The following TMEM132B variants were observed in gnomAD, a reference collection of about 807,000 sequenced individuals.
TMEM132B encodes the protein transmembrane protein 132B.
A neutral mutation model predicts 90.8 loss-of-function variants in TMEM132B; 18 were observed. That is an observed-to-expected ratio of 0.20 (90% CI 0.14 to 0.29). TMEM132B has a LOEUF of 0.29. TMEM132B is among the 10% of genes least tolerant of loss of function. The pLI is 1.00. For missense variants in TMEM132B, 1,096 were observed against 1,326.8 expected (o/e 0.83, Z 2.70); for synonymous variants, 504 against 523.3 (o/e 0.96, Z 0.50).
chr12:125,192,319 C>G (rs1009589841), intron 1 of TMEM132B, among the ~76,000 whole-genome samples: 8 of 152,152 alleles, frequency 5.3e-5, no homozygotes, highest in Admixed American at 3.3e-4. Context: ...AGAGTTGGTT[C>G]TCTTAGCTAC....
chr12:125,436,534 C>T (rs1880710205), intron 3 of TMEM132B, among the ~76,000 whole-genome samples: 1 of 152,084 alleles, frequency 6.6e-6, no homozygotes, highest in African/African-American at 2.4e-5. Context: ...CAGAACGTCG[C>T]ATGAAGAAGG....
intron 4 of TMEM132B, among the ~76,000 whole-genome samples, chr12:125,554,417 T>C (rs1289898994): frequency 9.1e-6 from 1 of 110,144 alleles, no homozygotes; most frequent in Non-Finnish European, 1.7e-5. Context: ...AAAGTGAGAC[T>C]CCATTTCATT....
At chr12:125,648,037 A>G (rs1243816024) in intron 6 of TMEM132B, among the ~76,000 whole-genome samples, 20 of 145,186 alleles carry the variant, frequency 1.4e-4, no homozygotes, top group African/African-American at 4.1e-4. Flanking sequence ...ATATCTCCCA[A>G]TGCTACCCCT....
At chr12:125,622,222 T>C (rs1221312980) in intron 5 of TMEM132B, among the ~76,000 whole-genome samples, 8 of 152,188 alleles carry the variant, frequency 5.3e-5, no homozygotes, top group African/African-American at 1.9e-4. Context: ...AGGCCAATTG[T>C]GCTGAAAAAT....
intron 5 of TMEM132B, among the ~76,000 whole-genome samples, chr12:125,596,646 A>G (rs960887168): frequency 2.0e-5 from 3 of 152,184 alleles, no homozygotes; most frequent in African/African-American, 4.8e-5. Flanking sequence ...TTTTTTAAAG[A>G]GTAAAGGCCT....
chr12:125,236,444 A>C (rs1303554885), intron 1 of TMEM132B, among the ~76,000 whole-genome samples: 1 of 152,220 alleles, frequency 6.6e-6, no homozygotes, highest in Admixed American at 6.5e-5. Flanking sequence ...GGTGTGAGCC[A>C]CCGCTCCCGG....
intron 4 of TMEM132B, among the ~76,000 whole-genome samples, chr12:125,530,014 G>T (rs997427432): frequency 7.2e-5 from 11 of 152,228 alleles, no homozygotes; most frequent in Non-Finnish European, 8.8e-5. Flanking sequence ...GGGCCGCAGA[G>T]CGAGACCCTG....
At chr12:125,350,982 C>A (rs920682696) in intron 2 of TMEM132B, among the ~76,000 whole-genome samples, 2 of 152,162 alleles carry the variant, frequency 1.3e-5, no homozygotes, top group Non-Finnish European at 2.9e-5. Flanking sequence ...CTGCTAGAAG[C>A]CATATTAGAG....
rs114408604 is a variant in TMEM132B, at chr12:125,516,187, G to A, written c.1107-3252G>A. Among the ~76,000 whole-genome samples the A allele has an allele frequency of 6.9e-3, 1,045 of 151,688 alleles. 19 individuals are homozygous for A. The highest frequency in any genetic ancestry group is 0.025 in the African/African-American group (1,013 of 41,320). ...CACACACACACTCACATACACTATCGCACTCTCACATGCCTCCTTCCCCAC... is the reference window on the plus strand; with the variant it reads ...CACACACACACTCACATACACTATCACACTCTCACATGCCTCCTTCCCCAC... On this transcript the variant is annotated intron_variant, in intron 3 of 8. Coordinates refer to ENST00000682704, the MANE Select transcript of TMEM132B (RefSeq NM_001366854.1).
intron 5 of TMEM132B, among the ~76,000 whole-genome samples, chr12:125,588,786 A>G (rs1465142098): frequency 6.6e-6 from 1 of 152,176 alleles, no homozygotes; most frequent in African/African-American, 2.4e-5. Context: ...GCGCATTTGA[A>G]GATAAATTTC....
At position 125,548,655 on chromosome 12, in the gene TMEM132B, T is replaced by C. The variant is rs73416305; in HGVS notation, c.1293+29030T>C. Among the ~76,000 whole-genome samples, 878 of 152,198 alleles carry C rather than the reference T, an allele frequency of 5.8e-3. 9 individuals carry two copies. Among genetic ancestry groups the C allele is most frequent in the African/African-American group, 0.019 (809 of 41,528 alleles). ...GACATGGTAAAGATAAGGACAGAGA[T>C]GTTGGTAGCCTTGCAGGGCCATAGA... On this transcript the variant is annotated intron_variant, in intron 4 of 8. Coordinates refer to ENST00000682704, the MANE Select transcript of TMEM132B (RefSeq NM_001366854.1).
intron 4 of TMEM132B, among the ~76,000 whole-genome samples, chr12:125,575,057 C>T (rs866659805): frequency 2.8e-3 from 124 of 43,838 alleles, no homozygotes; most frequent in African/African-American, 6.2e-3. Context: ...TATTAGCTGT[C>T]ATATATATAT....
At chr12:125,534,016 A>G (rs1883724632) in intron 4 of TMEM132B, among the ~76,000 whole-genome samples, 1 of 152,252 alleles carries the variant, frequency 6.6e-6, no homozygotes, top group African/African-American at 2.4e-5. Flanking sequence ...ACGTATGGGC[A>G]GAGAGATGAC....
rs1035735639 is a variant in TMEM132B at position 125,498,691 on chromosome 12, C to T, written c.1107-20748C>T. ...AAAGACCAGCTTACACTCCAGGCTG[C>T]GGGGTCCTTGGAACACATTTATTTA... On this transcript the variant is annotated intron_variant, in intron 3 of 8. Coordinates refer to ENST00000682704, the MANE Select transcript of TMEM132B (RefSeq NM_001366854.1). The surrounding 1 kb of genome is among the most constrained non-coding windows in gnomAD (Gnocchi z 4.5). Among the ~76,000 whole-genome samples, 7 of 152,174 alleles carry T rather than the reference C, an allele frequency of 4.6e-5. No homozygotes were observed. Among genetic ancestry groups the T allele is most frequent in the Non-Finnish European group, 8.8e-5 (6 of 68,016 alleles).
At chr12:125,264,485 G>A (rs941270480) in intron 1 of TMEM132B, among the ~76,000 whole-genome samples, 6 of 152,220 alleles carry the variant, frequency 3.9e-5, no homozygotes, top group Admixed American at 6.5e-5. Flanking sequence ...GGGCCCAAGC[G>A]AAGCAAGGTG....
chr12:125,537,767 G>C (rs989634140), intron 4 of TMEM132B, among the ~76,000 whole-genome samples: 6 of 152,180 alleles, frequency 3.9e-5, no homozygotes, highest in African/African-American at 1.4e-4. Context: ...CTAAAGCACA[G>C]AGTTAGGAAC....
At chr12:125,432,027 G>A (rs1208782624) in intron 3 of TMEM132B, among the ~76,000 whole-genome samples, 1 of 150,470 alleles carries the variant, frequency 6.6e-6, no homozygotes. Flanking sequence ...CTGTGCTAGG[G>A]AGACAGTTCT....
In TMEM132B at chr12:125,606,452, G is replaced by A. The variant is rs528251575; in HGVS notation, c.1437+22458G>A. 3.2e-4 allele frequency among the ~76,000 whole-genome samples: 49 copies of A among 152,286 alleles called. 1 individual carries two copies. The South Asian group carries it at 9.7e-3, about 30-fold the overall frequency. ...TGAGCGTACAGCTGTGTGCATGCTAGCTACTATGTAGATAATGTGGGTGCA... is the reference window on the plus strand; with the variant it reads ...TGAGCGTACAGCTGTGTGCATGCTAACTACTATGTAGATAATGTGGGTGCA... On this transcript the variant is annotated intron_variant, in intron 5 of 8. Transcript: ENST00000682704.
chr12:125,426,561 C>T (rs2136388776), intron 3 of TMEM132B, among the ~76,000 whole-genome samples: 1 of 152,226 alleles, frequency 6.6e-6, no homozygotes. Context: ...TCCTGATGAC[C>T]AGGAGGTTCT....
Sources: gnomAD v4.1 joint callset for allele counts (sites outside exome capture counted in the v4.1 genomes callset) on GRCh38, gnomAD v4.1.1 for gene constraint, Gnocchi (gnomAD v3.1) non-coding constraint, MANE v1.5 for transcripts, NCBI Gene and HGNC (gene_info 2026-07-23, HGNC 2026-07-21) for gene names.